The following MDGA2 variants were observed in gnomAD, a reference collection of about 807,000 sequenced individuals.
The protein encoded by MDGA2 is MAM domain-containing glycosylphosphatidylinositol anchor protein 2.
A neutral mutation model predicts 117.8 loss-of-function variants in MDGA2; 40 were observed. The observed-to-expected ratio is 0.34, with a 90% CI of 0.26 to 0.44. MDGA2 has a LOEUF of 0.44. Among genes scored for constraint, MDGA2 ranks in the 20% least tolerant of loss-of-function variants. The pLI, the probability that MDGA2 is intolerant of heterozygous loss-of-function variation, is 1.00. For missense variants in MDGA2, 1,123 were observed against 1,250.6 expected (o/e 0.90, Z 1.54); for synonymous variants, 452 against 439.0 (o/e 1.03, Z -0.37).
intron 1 of MDGA2, among the ~76,000 whole-genome samples, chr14:47,645,090 C>G (rs975210862): frequency 4.1e-4 from 62 of 152,108 alleles, no homozygotes; most frequent in African/African-American, 1.4e-3. Context: ...CTATAAGACT[C>G]ATTTCAGATT....
Position 47,528,998 on chromosome 14 carries a change from TTTAAAC to T in MDGA2, c.280+145513_280+145518del, listed in dbSNP as rs553967954. Among the ~76,000 whole-genome samples the T allele has an allele frequency of 9.5e-3, 126 of 13,316 alleles. No individual in the cohort carries two copies. The South Asian group carries it at 0.12, about 13-fold the overall frequency. 8.7% of individuals were successfully genotyped at this position (13,316 alleles called of 152,430 possible). On this transcript the variant is annotated intron_variant, in intron 1 of 16. Coordinates refer to ENST00000399232, the MANE Select transcript of MDGA2 (RefSeq NM_001113498.3). Reference sequence around the variant, plus strand: ...TAGTGTCAAGGGAGATTTTACAAACTTTAAACTTTTTTTTTTTTTTGAGATGGAGTC... The same window carrying T: ...TAGTGTCAAGGGAGATTTTACAAACTTTTTTTTTTTTTTTGAGATGGAGTC...
At chr14:47,091,077 C>A (rs1196298359) in intron 6 of MDGA2, among the ~76,000 whole-genome samples, 1 of 152,110 alleles carries the variant, frequency 6.6e-6, no homozygotes, top group Non-Finnish European at 1.5e-5. Context: ...AACAATGTGA[C>A]CTTTCAGACA....
intron 1 of MDGA2, among the ~76,000 whole-genome samples, chr14:47,670,888 AT>A (rs549640223): frequency 9.2e-4 from 140 of 152,252 alleles, no homozygotes; most frequent in Non-Finnish European, 1.9e-3. Flanking sequence ...AGGAAGTAAA[AT>A]TTTTTAAATG....
At chr14:47,646,037 G>T (rs533006759) in intron 1 of MDGA2, among the ~76,000 whole-genome samples, 22 of 139,208 alleles carry the variant, frequency 1.6e-4, no homozygotes, top group Non-Finnish European at 3.2e-4. Flanking sequence ...CTGAGATCCC[G>T]CCACTGCACT....
chr14:47,649,285 G>C (rs529369313), intron 1 of MDGA2, among the ~76,000 whole-genome samples: 1 of 152,198 alleles, frequency 6.6e-6, no homozygotes, highest in African/African-American at 2.4e-5. Context: ...TTTATCTATA[G>C]ACAAATTTAA....
At chr14:47,561,168 T>TG (rs1895803209) in intron 1 of MDGA2, among the ~76,000 whole-genome samples, 1 of 111,526 alleles carries the variant, frequency 9.0e-6, no homozygotes, top group African/African-American at 2.9e-5. Flanking sequence ...GTTTTGTTTT[T>TG]TTGTTTGTTT....
intron 6 of MDGA2, among the ~76,000 whole-genome samples, chr14:47,079,486 A>G (rs548016770): frequency 6.6e-6 from 1 of 152,258 alleles, no homozygotes; most frequent in Admixed American, 6.5e-5. Flanking sequence ...TAATATTGGG[A>G]TGCAGGCAAA....
chr14:47,627,778 AAATCTTGCTGCTGCTCACTCTTT>A (rs1396480554), intron 1 of MDGA2, among the ~76,000 whole-genome samples: 28 of 152,190 alleles, frequency 1.8e-4, no homozygotes, highest in Non-Finnish European at 1.5e-5. Flanking sequence ...TCTTTGCAAT[AAATCTTGCTGCTGCTCACTCTTT>A]GGGTCCACAC....
chr14:47,101,962 T>A (rs1448362836), intron 5 of MDGA2, among the ~76,000 whole-genome samples: 2 of 152,180 alleles, frequency 1.3e-5, no homozygotes, highest in Non-Finnish European at 2.9e-5. Context: ...AAATATTTAA[T>A]TTGGGGTTAA....
At chr14:46,899,011 G>C (rs1333493996) in intron 10 of MDGA2, among the ~76,000 whole-genome samples, 3 of 152,034 alleles carry the variant, frequency 2.0e-5, no homozygotes, top group South Asian at 4.1e-4. Context: ...TATAAAATTA[G>C]AGGGAGATTC....
At chr14:47,495,719 C>T (rs1037528633) in intron 1 of MDGA2, among the ~76,000 whole-genome samples, 10 of 152,016 alleles carry the variant, frequency 6.6e-5, no homozygotes, top group Admixed American at 3.3e-4. Flanking sequence ...AATAACTATT[C>T]GAGTATTTCT....
At chr14:47,332,054 C>T (rs1815638) in intron 1 of MDGA2, among the ~76,000 whole-genome samples, 24,938 of 151,960 alleles carry the variant, frequency 0.16, 2,233 homozygotes, top group African/African-American at 0.24. Flanking sequence ...CAGAATGATT[C>T]AGGATATGTC....
intron 1 of MDGA2, among the ~76,000 whole-genome samples, chr14:47,572,520 T>C (rs1395578756): frequency 1.3e-5 from 2 of 152,198 alleles, no homozygotes; most frequent in African/African-American, 4.8e-5. Context: ...TCAAAAATGT[T>C]TAAGGGATGA....
At chr14:47,395,088 G>A (rs1594835120) in intron 1 of MDGA2, among the ~76,000 whole-genome samples, 1 of 152,144 alleles carries the variant, frequency 6.6e-6, no homozygotes, top group African/African-American at 2.4e-5. Context: ...CCAGGAGTTC[G>A]AGGATGCAGT....
At chr14:47,153,254 T>C (rs1214190892) in intron 3 of MDGA2, among the ~76,000 whole-genome samples, 1 of 152,062 alleles carries the variant, frequency 6.6e-6, no homozygotes, top group African/African-American at 2.4e-5. Context: ...ACAACTGAGA[T>C]GAACAATGAC....
chr14:47,515,654 A>C (rs1894735845), intron 1 of MDGA2, among the ~76,000 whole-genome samples: 1 of 152,166 alleles, frequency 6.6e-6, no homozygotes, highest in Non-Finnish European at 1.5e-5. Flanking sequence ...GCAGTACAAA[A>C]AGATAAATAA....
intron 1 of MDGA2, among the ~76,000 whole-genome samples, chr14:47,368,475 A>G (rs1891277610): frequency 1.3e-5 from 2 of 152,314 alleles, no homozygotes; most frequent in South Asian, 4.1e-4. Context: ...ATAAAATTGG[A>G]TCACTTTGCC....
rs867175542 is a variant in MDGA2, at chr14:47,058,284, C to T, written c.1525+2965G>A. On this transcript the variant is annotated intron_variant, in intron 7 of 16. Transcript: ENST00000399232. ...ATTTTCAAAATGTTTTAAAATGTCA[C>T]CCTAAAATGCCTTATATTTAACATA... Among the ~76,000 whole-genome samples the T allele has an allele frequency of 2.6e-5, 4 of 152,156 alleles. No homozygotes were observed. In the South Asian group the frequency reaches 6.2e-4, roughly 24 times the overall value.
chr14:47,646,063 G>C (rs139732068), intron 1 of MDGA2, among the ~76,000 whole-genome samples: 4,072 of 128,166 alleles, frequency 0.032, 114 homozygotes, highest in African/African-American at 0.086. Flanking sequence ...CTGCGCGACA[G>C]AGCAAGACTC....
Sources: allele counts gnomAD v4.1 joint callset (sites outside exome capture counted in the v4.1 genomes callset), GRCh38; gene constraint gnomAD v4.1.1; transcripts MANE v1.5; gene names NCBI Gene and HGNC (gene_info 2026-07-23, HGNC 2026-07-21).